Variants in MRPS28 observed in about 807,000 individuals in gnomAD.
MRPS28 encodes the protein small ribosomal subunit protein bS1m.
MRPS28 carries 7 observed loss-of-function variants against 10.8 expected under a neutral mutation model. The observed-to-expected ratio is 0.65, with a 90% CI of 0.37 to 1.22. The LOEUF is 1.22. Among genes scored for constraint, MRPS28 ranks in the 50% most tolerant of loss-of-function variants. The probability of loss-of-function intolerance (pLI) is 0.02; values close to 1 mark genes in which losing one functional copy is unlikely to be tolerated. For missense variants in MRPS28, 265 were observed against 232.9 expected (o/e 1.14, Z -0.90); for synonymous variants, 121 against 93.3 (o/e 1.30, Z -1.71).
chr8:79,989,347 G>A (rs769653190), intron 2 of MRPS28, among the ~76,000 whole-genome samples: 6 of 152,056 alleles, frequency 3.9e-5, no homozygotes, highest in East Asian at 1.9e-4. Flanking sequence ...AATTTTATAC[G>A]GTTTAAACTA....
chr8:79,956,572 CA>C (rs1807218971), intron 2 of MRPS28: 1 of 152,070 alleles, frequency 6.6e-6, no homozygotes, highest in South Asian at 2.1e-4. Flanking sequence ...CGTATTATTT[CA>C]TCACCCAGGT....
intron 2 of MRPS28, among the ~76,000 whole-genome samples, chr8:79,932,357 T>C (rs1228048542): frequency 6.6e-6 from 1 of 152,136 alleles, no homozygotes; most frequent in African/African-American, 2.4e-5. Context: ...AGGGGACATT[T>C]AATGACAAGA....
At chr8:79,991,449 G>A (rs1031942859) in intron 2 of MRPS28, among the ~76,000 whole-genome samples, 5 of 152,172 alleles carry the variant, frequency 3.3e-5, no homozygotes, top group African/African-American at 1.2e-4. Context: ...GTAGCTCAAA[G>A]CTGCTAGCAG....
chr8:79,990,091 G>A (rs1808316148), intron 2 of MRPS28, among the ~76,000 whole-genome samples: 1 of 152,180 alleles, frequency 6.6e-6, no homozygotes, highest in Non-Finnish European at 1.5e-5. Context: ...AGCCCAGGAG[G>A]TGGAGGTTGC....
chr8:79,970,926 T>A (rs138066638), intron 2 of MRPS28, among the ~76,000 whole-genome samples: 63 of 152,352 alleles, frequency 4.1e-4, no homozygotes, highest in African/African-American at 1.5e-3. Flanking sequence ...TGGCACCACA[T>A]GTATTGTTTG....
At chr8:80,006,384 G>A (rs1390608323) in intron 1 of MRPS28, among the ~76,000 whole-genome samples, 2 of 151,910 alleles carry the variant, frequency 1.3e-5, no homozygotes, top group East Asian at 3.9e-4. Flanking sequence ...ATGACTACTG[G>A]GTACATAACA....
At chr8:80,029,911 T>G in intron 1 of MRPS28, 125 bp downstream of exon 1, 1 of 1,536,068 alleles carries the variant, frequency 6.5e-7, no homozygotes, top group Non-Finnish European at 8.7e-7. Context: ...GCACCGCAAC[T>G]CCGGAAAACT....
intron 2 of MRPS28, among the ~76,000 whole-genome samples, chr8:79,932,606 G>C (rs1373381864): frequency 6.6e-6 from 1 of 152,168 alleles, no homozygotes; most frequent in Non-Finnish European, 1.5e-5. Context: ...CTATGGAGGG[G>C]AAGTGAATGA....
chr8:79,982,089 G>T (rs1807973292), intron 2 of MRPS28, among the ~76,000 whole-genome samples: 1 of 151,996 alleles, frequency 6.6e-6, no homozygotes, highest in South Asian at 2.1e-4. Flanking sequence ...TCTACTAAAA[G>T]TACAAAAATT....
chr8:80,023,815 C>G (rs1011726900), intron 1 of MRPS28, among the ~76,000 whole-genome samples: 1 of 152,166 alleles, frequency 6.6e-6, no homozygotes, highest in African/African-American at 2.4e-5. Flanking sequence ...AGTTATATGC[C>G]ATAGCACAGC....
chr8:80,017,451 A>G (rs899664653), intron 1 of MRPS28, among the ~76,000 whole-genome samples: 1 of 152,214 alleles, frequency 6.6e-6, no homozygotes, highest in African/African-American at 2.4e-5. Flanking sequence ...TCCCATGAAC[A>G]TTAAAGAAAT....
At chr8:80,020,116 A>G (rs1189163020) in intron 1 of MRPS28, among the ~76,000 whole-genome samples, 2 of 152,162 alleles carry the variant, frequency 1.3e-5, no homozygotes, top group African/African-American at 4.8e-5. Flanking sequence ...AGATTTAAAG[A>G]TTTTCTGATT....
intron 2 of MRPS28, among the ~76,000 whole-genome samples, chr8:79,938,545 G>A (rs544040674): frequency 1.3e-5 from 2 of 152,008 alleles, no homozygotes; most frequent in Admixed American, 1.3e-4. Context: ...ATACCTTATG[G>A]TTGAAGTTTT....
At chr8:79,989,327 TA>T (rs2130114812) in intron 2 of MRPS28, among the ~76,000 whole-genome samples, 1 of 152,328 alleles carries the variant, frequency 6.6e-6, no homozygotes, top group South Asian at 2.1e-4. Context: ...ATTTTGACGT[TA>T]AAAGCTGCAA....
At chr8:79,988,502 T>C (rs192166871) in intron 2 of MRPS28, among the ~76,000 whole-genome samples, 1 of 151,014 alleles carries the variant, frequency 6.6e-6, no homozygotes, top group Non-Finnish European at 1.5e-5. Context: ...TGGAAAAATA[T>C]TTTATTAAAA....
At chr8:79,989,474 T>A (rs1268378902) in intron 2 of MRPS28, among the ~76,000 whole-genome samples, 1 of 152,198 alleles carries the variant, frequency 6.6e-6, no homozygotes, top group Non-Finnish European at 1.5e-5. Context: ...GAGAAATGAA[T>A]GAAAGAATTT....
At chr8:80,020,543 A>C (rs1228531090) in intron 1 of MRPS28, among the ~76,000 whole-genome samples, 1 of 152,240 alleles carries the variant, frequency 6.6e-6, no homozygotes, top group Non-Finnish European at 1.5e-5. Flanking sequence ...AGAATTGAAA[A>C]GATTTTTATC....
chr8:79,968,827 T>C (rs1807563020), intron 2 of MRPS28, among the ~76,000 whole-genome samples: 1 of 152,108 alleles, frequency 6.6e-6, no homozygotes, highest in Non-Finnish European at 1.5e-5. Context: ...AGAGACAGTA[T>C]AGTGTGGCCA....
At chr8:79,963,640 G>C (rs1807427679) in intron 2 of MRPS28, among the ~76,000 whole-genome samples, 1 of 152,094 alleles carries the variant, frequency 6.6e-6, no homozygotes, top group Non-Finnish European at 1.5e-5. Context: ...CAGCACTGTT[G>C]ACAGACACCA....
Sources: allele counts gnomAD v4.1 joint callset (sites outside exome capture counted in the v4.1 genomes callset), GRCh38; gene constraint gnomAD v4.1.1; transcripts MANE v1.5; gene names NCBI Gene and HGNC (gene_info 2026-07-23, HGNC 2026-07-21).